Variants in OLFM3 observed in about 807,000 individuals in gnomAD.
OLFM3 encodes the protein noelin-3.
In OLFM3, 20 loss-of-function variants were observed where a neutral mutation model predicts 48.6. The ratio of observed to expected loss-of-function variants is 0.41; its 90% CI spans 0.29 to 0.60. The LOEUF is 0.60. OLFM3 is among the 20% of genes least tolerant of loss of function. OLFM3 has a pLI of 0.28. For missense variants in OLFM3, 437 were observed against 544.3 expected (o/e 0.80, Z 1.96); for synonymous variants, 222 against 198.1 (o/e 1.12, Z -1.01).
At chr1:101,806,717 G>A (rs538083936) in intron 4 of OLFM3, among the ~76,000 whole-genome samples, 32 of 151,714 alleles carry the variant, frequency 2.1e-4, no homozygotes, top group African/African-American at 6.8e-4. Context: ...CAGTCTATAA[G>A]AAAGAGGTAG....
chr1:101,900,809 TG>T (rs1003090716), intron 1 of OLFM3, among the ~76,000 whole-genome samples: 7 of 151,998 alleles, frequency 4.6e-5, no homozygotes, highest in African/African-American at 1.7e-4. Flanking sequence ...TAAAGTGGAT[TG>T]GGGATAAAGG....
intron 1 of OLFM3, among the ~76,000 whole-genome samples, chr1:101,966,369 T>G (rs1660610233): frequency 7.2e-6 from 1 of 138,476 alleles, no homozygotes; most frequent in Non-Finnish European, 1.6e-5. Flanking sequence ...GATAAGGTCT[T>G]ACTGTGTTGC....
At chr1:101,927,296 A>G (rs569214367) in intron 1 of OLFM3, among the ~76,000 whole-genome samples, 2 of 152,266 alleles carry the variant, frequency 1.3e-5, no homozygotes, top group East Asian at 1.9e-4. Flanking sequence ...TGAATGAAAC[A>G]GAAAAGAACT....
At chr1:101,932,352 A>G (rs1169732977) in intron 1 of OLFM3, among the ~76,000 whole-genome samples, 1 of 152,236 alleles carries the variant, frequency 6.6e-6, no homozygotes, top group Non-Finnish European at 1.5e-5. Flanking sequence ...GGATGCAGCC[A>G]GGAGAAATAG....
intron 1 of OLFM3, among the ~76,000 whole-genome samples, chr1:101,841,134 G>A (rs188000532): frequency 1.3e-4 from 20 of 152,256 alleles, no homozygotes; most frequent in Admixed American, 3.9e-4. Flanking sequence ...TAAGGCTTCA[G>A]GGGCTTTGTA....
At chr1:101,996,600 G>T in intron 1 of OLFM3, 148 bp downstream of exon 1, 2 of 756,458 alleles carry the variant, frequency 2.6e-6, no homozygotes, top group South Asian at 1.6e-5. Flanking sequence ...ACCTTGTTAT[G>T]TTCCAAGCAG....
At chr1:101,858,862 G>T (rs1202598887) in intron 1 of OLFM3, among the ~76,000 whole-genome samples, 1 of 151,998 alleles carries the variant, frequency 6.6e-6, no homozygotes, top group Non-Finnish European at 1.5e-5. Context: ...CCCAGTCTCA[G>T]GTAGTTCTTT....
At chr1:101,927,535 A>T (rs1659309492) in intron 1 of OLFM3, among the ~76,000 whole-genome samples, 1 of 151,940 alleles carries the variant, frequency 6.6e-6, no homozygotes, top group African/African-American at 2.4e-5. Context: ...TTCTTTCTTG[A>T]GTCTGAAAGG....
intron 1 of OLFM3, among the ~76,000 whole-genome samples, chr1:101,863,072 T>G (rs912121662): frequency 9.2e-5 from 14 of 151,924 alleles, no homozygotes; most frequent in African/African-American, 3.4e-4. Context: ...GCAATTCTCA[T>G]GTATCAGCCT....
intron 1 of OLFM3, among the ~76,000 whole-genome samples, chr1:101,949,273 A>G (rs1329105626): frequency 1.3e-5 from 2 of 151,886 alleles, no homozygotes; most frequent in African/African-American, 2.4e-5. Flanking sequence ...TATCTTCTTG[A>G]CCTCTGAATG....
chr1:101,872,683 T>A (rs1018654260), intron 1 of OLFM3, among the ~76,000 whole-genome samples: 1 of 152,012 alleles, frequency 6.6e-6, no homozygotes, highest in African/African-American at 2.4e-5. Flanking sequence ...TATTCTGTAA[T>A]GAAACCTCAA....
intron 1 of OLFM3, among the ~76,000 whole-genome samples, chr1:101,876,720 T>A (rs1314080495): frequency 2.6e-5 from 4 of 152,038 alleles, no homozygotes; most frequent in Admixed American, 2.0e-4. Flanking sequence ...CTTCATTTTT[T>A]ATTTTTTAAT....
intron 1 of OLFM3, among the ~76,000 whole-genome samples, chr1:101,867,632 C>A (rs140917682): frequency 1.6e-4 from 25 of 152,302 alleles, no homozygotes; most frequent in African/African-American, 5.8e-4. Flanking sequence ...TTGTACTCCA[C>A]GATTAGCCAT....
intron 1 of OLFM3, among the ~76,000 whole-genome samples, chr1:101,941,164 G>C (rs1171714058): frequency 1.3e-5 from 2 of 152,182 alleles, no homozygotes; most frequent in Non-Finnish European, 2.9e-5. Flanking sequence ...CCCAAGGTTT[G>C]ACGGAGGTCC....
chr1:101,959,015 C>T (rs1199701615), intron 1 of OLFM3, among the ~76,000 whole-genome samples: 1 of 151,878 alleles, frequency 6.6e-6, no homozygotes, highest in African/African-American at 2.4e-5. Flanking sequence ...CTAACTAAAA[C>T]TTTGTACCCT....
chr1:101,961,748 AAGAT>A (rs1211403818), intron 1 of OLFM3, among the ~76,000 whole-genome samples: 6 of 152,186 alleles, frequency 3.9e-5, no homozygotes, highest in African/African-American at 1.4e-4. Context: ...TCATGACTGA[AAGAT>A]ATAACTTATG....
chr1:101,806,136 T>A lies in OLFM3; in HGVS notation c.639A>T (p.Thr213=), dbSNP rs777382296. The A allele has an allele frequency of 1.2e-6, 2 of 1,612,178 alleles. No homozygotes were observed. The highest frequency in any genetic ancestry group is 2.2e-5 in the South Asian group (2 of 91,042). Residue 213 remains threonine, a synonymous_variant, in exon 5 of 6, where the codon ACA becomes ACT. Transcript: ENST00000370103. ...TCCAAGCACCAAATCGGGTTCCAGA[T>A]GTCTTGACTGTAACTGGGCCTGTGA... The part of the protein sequence containing the change: ...MKITGPVTVK[T]SGTRFGAWMT...
chr1:101,806,635 C>T lies in OLFM3; in HGVS notation c.593-453G>A, dbSNP rs114816591. ...CAGAAAAACACTACCAATTGATTTT[C>T]ATTCTGTTTGGCAAAGAAGAAGCCC... On this transcript the variant is annotated intron_variant, in intron 4 of 5. Coordinates refer to ENST00000370103, the MANE Select transcript of OLFM3 (RefSeq NM_058170.4). Among the ~76,000 whole-genome samples, 939 of 151,790 alleles carry T rather than the reference C, an allele frequency of 6.2e-3. 11 individuals are homozygous for T. The highest frequency in any genetic ancestry group is 0.022 in the African/African-American group (901 of 41,460).
intron 1 of OLFM3, among the ~76,000 whole-genome samples, chr1:101,986,303 G>A (rs2101115405): frequency 6.6e-6 from 1 of 152,050 alleles, no homozygotes; most frequent in Non-Finnish European, 1.5e-5. Context: ...CCCATTTCAG[G>A]ATGACCTACC....
Sources: gnomAD v4.1 joint callset for allele counts (sites outside exome capture counted in the v4.1 genomes callset) on GRCh38, gnomAD v4.1.1 for gene constraint, MANE v1.5 for transcripts, NCBI Gene and HGNC (gene_info 2026-07-23, HGNC 2026-07-21) for gene names.